Variants in SCML4 observed in about 807,000 individuals in gnomAD.
SCML4 encodes the protein sex comb on midleg-like protein 4.
SCML4 carries 34 observed loss-of-function variants against 41.1 expected under a neutral mutation model. The observed-to-expected ratio is 0.83, with a 90% confidence interval of 0.63 to 1.10. SCML4 has a LOEUF of 1.10. Ranked by LOEUF, SCML4 falls within the 50% of genes least tolerant of loss-of-function variation. The pLI, the probability that SCML4 is intolerant of heterozygous loss-of-function variation, is 0.00. For synonymous variants in SCML4, 214 were observed against 220.9 expected, an observed-to-expected ratio of 0.97 and a Z score of 0.28; for missense variants, 522 against 534.1, an observed-to-expected ratio of 0.98 and a Z score of 0.22.
chr6:107,835,918 T>C, the SCML4 span, among the ~76,000 whole-genome samples: 1 of 152,174 alleles, frequency 6.6e-6, no homozygotes, highest in East Asian at 1.9e-4. Flanking sequence ...GGTCAGGACC[T>C]ACTAAGGTGT....
chr6:107,786,136 A>G (rs1435609643), intron 1 of SCML4, among the ~76,000 whole-genome samples: 1 of 152,176 alleles, frequency 6.6e-6, no homozygotes, highest in African/African-American at 2.4e-5. Context: ...AATGAAACTG[A>G]CCTGCTTCTA....
chr6:107,803,454 C>A (rs1348365978), intron 1 of SCML4, among the ~76,000 whole-genome samples: 3 of 148,460 alleles, frequency 2.0e-5, no homozygotes, highest in African/African-American at 2.5e-5. Flanking sequence ...CCCGGCCAGC[C>A]GCCCGGTCCG....
chr6:107,751,304 T>C (rs992596192), intron 2 of SCML4, among the ~76,000 whole-genome samples: 1 of 152,140 alleles, frequency 6.6e-6, no homozygotes, highest in African/African-American at 2.4e-5. Context: ...TTGGGTGAAA[T>C]TGTACCCAAG....
chr6:107,721,283 G>T (rs1314345674), intron 5 of SCML4, among the ~76,000 whole-genome samples: 1 of 152,108 alleles, frequency 6.6e-6, no homozygotes, highest in Non-Finnish European at 1.5e-5. Flanking sequence ...CCCAAATCAG[G>T]CCAGGTGCAG....
chr6:107,759,151 A>AAC (rs1554213032), intron 2 of SCML4, among the ~76,000 whole-genome samples: 1 of 149,278 alleles, frequency 6.7e-6, no homozygotes, highest in Non-Finnish European at 1.5e-5. Context: ...AAAAAAAAAA[A>AAC]AAACCTGAAA....
chr6:107,720,164 A>C (rs1355633191), intron 6 of SCML4: 6 of 940,060 alleles, frequency 6.4e-6, no homozygotes, highest in Non-Finnish European at 7.6e-6. Flanking sequence ...GGGCAGAGCT[A>C]ACCTACAGCT....
At chr6:107,842,647 G>T in the SCML4 span, among the ~76,000 whole-genome samples, 57 of 152,322 alleles carry the variant, frequency 3.7e-4, no homozygotes, top group Non-Finnish European at 6.6e-4. Context: ...GCCCAGGTCG[G>T]CCTCCCAAAG....
In SCML4 at chr6:107,787,962, T is replaced by A. The variant is rs377236934; in HGVS notation, c.-59-15576A>T. 7.9e-5 allele frequency among the ~76,000 whole-genome samples: 12 copies of A among 152,324 alleles called. No individual in the cohort carries two copies. In the South Asian group the frequency reaches 1.5e-3, roughly 18 times the overall value. ...TATGTAATGACACATAGCAACCCAA[T>A]GTTTGCCCTCCAAGAACTGTCTAAG... On this transcript the variant is annotated intron_variant, in intron 1 of 7. Coordinates refer to ENST00000369020, the MANE Select transcript of SCML4 (RefSeq NM_198081.5).
intron 2 of SCML4, among the ~76,000 whole-genome samples, chr6:107,751,946 A>G (rs1407473639): frequency 6.6e-6 from 1 of 152,106 alleles, no homozygotes; most frequent in African/African-American, 2.4e-5. Context: ...AGTCTTTCTG[A>G]CTATGGTATT....
intron 1 of SCML4, among the ~76,000 whole-genome samples, chr6:107,794,573 CTA>C (rs143474356): frequency 1.3e-5 from 2 of 150,950 alleles, no homozygotes; most frequent in African/African-American, 2.4e-5. Flanking sequence ...GTGTGTGTGT[CTA>C]TATATATATA....
At chr6:107,747,020 A>C in intron 3 of SCML4, 131 bp from the exon 4 acceptor site, 3 of 682,768 alleles carry the variant, frequency 4.4e-6, no homozygotes, top group Non-Finnish European at 7.3e-6. Flanking sequence ...GCAAGGGCAA[A>C]AGTGGGGTGG....
chr6:107,815,055 A>T (rs913652274), intron 1 of SCML4, among the ~76,000 whole-genome samples: 2 of 152,186 alleles, frequency 1.3e-5, no homozygotes, highest in Admixed American at 6.5e-5. Flanking sequence ...CTGCATAGTG[A>T]TCATGTAGGA....
At chr6:107,774,206 T>C (rs6939731) in intron 1 of SCML4, among the ~76,000 whole-genome samples, 112,674 of 152,042 alleles carry the variant, frequency 0.74, 43,697 homozygotes, top group East Asian at 0.9. Flanking sequence ...AGAAAAATAC[T>C]CGGTCTCATT....
intron 6 of SCML4, among the ~76,000 whole-genome samples, chr6:107,708,529 C>T (rs1773907181): frequency 6.6e-6 from 1 of 152,160 alleles, no homozygotes; most frequent in Non-Finnish European, 1.5e-5. Flanking sequence ...GCTTTTCGTT[C>T]TTCTCCACGG....
intron 6 of SCML4, among the ~76,000 whole-genome samples, chr6:107,711,528 T>C (rs990154138): frequency 6.6e-6 from 1 of 152,248 alleles, no homozygotes; most frequent in Admixed American, 6.5e-5. Context: ...AAGTACAACC[T>C]ATGATTTTCA....
chr6:107,797,535 C>A (rs1372758304), intron 1 of SCML4, among the ~76,000 whole-genome samples: 3 of 151,882 alleles, frequency 2.0e-5, no homozygotes, highest in Non-Finnish European at 4.4e-5. Flanking sequence ...TTGTACATTC[C>A]TTTAGATTTA....
intron 1 of SCML4, among the ~76,000 whole-genome samples, chr6:107,778,240 T>TATATATATATATATAG (rs1191520692): frequency 2.5e-4 from 3 of 12,070 alleles, no homozygotes; most frequent in Non-Finnish European, 6.4e-4. Context: ...TATATATATA[T>TATATATATATATATAG]ATATATATAT....
intron 2 of SCML4, among the ~76,000 whole-genome samples, chr6:107,757,632 G>A (rs1779224287): frequency 6.6e-6 from 1 of 152,180 alleles, no homozygotes; most frequent in African/African-American, 2.4e-5. Flanking sequence ...CTCAGAGCCT[G>A]CCTTTCCTCA....
chr6:107,809,821 T>G (rs1175436082), intron 1 of SCML4, among the ~76,000 whole-genome samples: 1 of 152,168 alleles, frequency 6.6e-6, no homozygotes, highest in Non-Finnish European at 1.5e-5. Context: ...AGCCCTCAAG[T>G]GCCTAACCCC....
Sources: allele counts gnomAD v4.1 joint callset (sites outside exome capture counted in the v4.1 genomes callset), GRCh38; gene constraint gnomAD v4.1.1; transcripts MANE v1.5; gene names NCBI Gene and HGNC (gene_info 2026-07-23, HGNC 2026-07-21).